Variants in ARFGEF1 observed in about 807,000 individuals in gnomAD.
ARFGEF1 encodes the protein ARF guanine nucleotide exchange factor 1, also known as brefeldin A-inhibited guanine nucleotide-exchange protein 1.
A neutral mutation model predicts 231.0 loss-of-function variants in ARFGEF1; 42 were observed. The ratio of observed to expected loss-of-function variants is 0.18; its 90% CI spans 0.14 to 0.24. The LOEUF (loss-of-function observed/expected upper bound fraction) is 0.24. Ranked by LOEUF, ARFGEF1 falls within the 10% of genes least tolerant of loss-of-function variation. The probability of loss-of-function intolerance (pLI) is 1.00; values close to 1 mark genes in which losing one functional copy is unlikely to be tolerated. For missense variants in ARFGEF1, 1,345 were observed against 2,192.0 expected (o/e 0.61, Z 7.72); for synonymous variants, 710 against 732.3 (o/e 0.97, Z 0.49).
At chr8:67,315,742 G>C (rs775931530) in intron 1 of ARFGEF1, among the ~76,000 whole-genome samples, 6 of 151,958 alleles carry the variant, frequency 3.9e-5, no homozygotes, top group Non-Finnish European at 8.8e-5. Context: ...ATGGGTCAGA[G>C]GAAGTCTTAA....
chr8:67,343,406 A>C lies in ARFGEF1; in HGVS notation c.-119T>G. On this transcript the variant is annotated 5_prime_UTR_variant, in exon 1 of 39. Coordinates refer to ENST00000262215, the MANE Select transcript of ARFGEF1 (RefSeq NM_006421.5). ...AGAGGGGGTGGAGGTGGGGGATTGG[A>C]GGCGTGGAGGGCAGCGGCAGGATCA... is the stretch of plus-strand genomic sequence containing the variant. 2 of 1,335,444 alleles carry C rather than the reference A, an allele frequency of 1.5e-6. No homozygotes were observed. Among genetic ancestry groups the C allele is most frequent in the Middle Eastern group, 2.3e-4 (1 of 4,410 alleles). 82.7% of individuals were successfully genotyped at this position (1,335,444 alleles called of 1,614,324 possible). A position where few individuals can be genotyped will look rare whatever the true frequency, so the allele number is the denominator to read the frequency against.
intron 8 of ARFGEF1, among the ~76,000 whole-genome samples, chr8:67,276,567 T>G (rs564234163): frequency 3.3e-5 from 5 of 152,232 alleles, no homozygotes; most frequent in Admixed American, 3.3e-4. Flanking sequence ...TATGGGACAC[T>G]TAGTGGAGAA....
At chr8:67,220,905 T>C (rs976997534) in intron 29 of ARFGEF1, among the ~76,000 whole-genome samples, 1 of 151,622 alleles carries the variant, frequency 6.6e-6, no homozygotes, top group Non-Finnish European at 1.5e-5. Context: ...TTCTTTTTTT[T>C]TTTTTTTAAA....
intron 1 of ARFGEF1, among the ~76,000 whole-genome samples, chr8:67,339,771 T>C (rs1808519223): frequency 1.7e-5 from 1 of 59,068 alleles, no homozygotes; most frequent in Non-Finnish European, 3.1e-5. Flanking sequence ...TTCTTATCAG[T>C]TGTAACAGTG....
chr8:67,238,552 T>TA, intron 21 of ARFGEF1, 59 bp from the exon 22 acceptor site: 1 of 1,515,822 alleles, frequency 6.6e-7, no homozygotes. Flanking sequence ...TTCAAAAAGA[T>TA]TTAAATATAT....
At chr8:67,288,137 G>A in intron 6 of ARFGEF1, 72 bp from the exon 7 acceptor site, 1 of 885,610 alleles carries the variant, frequency 1.1e-6, no homozygotes. Context: ...CATTTATGAT[G>A]AAAAAACTCC....
At chr8:67,313,199 T>C (rs1807151541) in intron 1 of ARFGEF1, among the ~76,000 whole-genome samples, 1 of 152,180 alleles carries the variant, frequency 6.6e-6, no homozygotes, top group South Asian at 2.1e-4. Context: ...AGTTCATTTT[T>C]TGGATTTCCT....
rs567257136 is a variant in ARFGEF1, at chr8:67,247,792, C to T, written c.2850+3507G>A. 3.3e-5 allele frequency among the ~76,000 whole-genome samples: 5 copies of T among 150,438 alleles called. 1 individual carries two copies. Among genetic ancestry groups the T allele is most frequent in the African/African-American group, 7.4e-5 (3 of 40,470 alleles). Reference sequence around the variant, plus strand: ...TCAAATTATCTATTTGCAGGTGATACGATCTTATATTTGGAAAAGCCTGAA... The same window carrying T: ...TCAAATTATCTATTTGCAGGTGATATGATCTTATATTTGGAAAAGCCTGAA... On this transcript the variant is annotated intron_variant, in intron 19 of 38. Coordinates refer to ENST00000262215, the MANE Select transcript of ARFGEF1 (RefSeq NM_006421.5).
At chr8:67,299,947 T>C (rs1465403144) in intron 3 of ARFGEF1, among the ~76,000 whole-genome samples, 1 of 151,784 alleles carries the variant, frequency 6.6e-6, no homozygotes, top group Non-Finnish European at 1.5e-5. Context: ...CCAACGTAGG[T>C]GACAGTGAGA....
At chr8:67,192,367 G>A (rs557896857) in intron 5 of ARFGEF1, among the ~76,000 whole-genome samples, 184 of 152,208 alleles carry the variant, frequency 1.2e-3, no homozygotes, top group Middle Eastern at 0.01. Flanking sequence ...GAGCCACCGC[G>A]CCCAGCCCTT....
Position 67,240,265 on chromosome 8 carries a change from G to A in ARFGEF1, c.2876C>T (p.Ala959Val). 6.2e-7 allele frequency: 1 copy of A among 1,605,894 alleles called. No individual in the cohort carries two copies. The highest frequency in any genetic ancestry group is 8.5e-7 in the Non-Finnish European group (1 of 1,177,974). The change falls in exon 20 of 39, where the codon GCA becomes GTA. Residue 959 changes from alanine to valine, a missense_variant. Ala to Val is a moderately conservative substitution (Grantham distance 64). Transcript: ENST00000262215. ...FKLAWTPFLA[A>V]FSVGLQDCDD... is the part of the protein sequence containing the mutation. ...ACAATCTTGTAGACCCACACTGAAT[G>A]CAGCCAGAAAAGGCGTCCAAGCCAA...
rs765532292 is a variant in ARFGEF1 at position 67,217,948 on chromosome 8, T to C, written c.4475-28A>G. 4 of 1,612,868 alleles carry C rather than the reference T, an allele frequency of 2.5e-6. No individual in the cohort carries two copies. Among genetic ancestry groups the C allele is most frequent in the Admixed American group, 1.7e-5 (1 of 59,938 alleles). The stretch of plus-strand genomic sequence containing the variant: ...AGGAAAGAAAAGAGCAATTCATTTA[T>C]ATATTACCAGGGTCACATTTAACAC... On this transcript the variant is annotated intron_variant, in intron 31 of 38. Transcript: ENST00000262215.
chr8:67,323,533 T>G (rs559397779), intron 1 of ARFGEF1, among the ~76,000 whole-genome samples: 21 of 152,348 alleles, frequency 1.4e-4, no homozygotes, highest in Admixed American at 1.2e-3. Flanking sequence ...AACCCATTTA[T>G]GTCGAATGTG....
At chr8:67,306,544 T>G (rs942920028) in intron 1 of ARFGEF1, among the ~76,000 whole-genome samples, 1 of 143,830 alleles carries the variant, frequency 7.0e-6, no homozygotes, top group Non-Finnish European at 1.5e-5. Flanking sequence ...TACTATCAAC[T>G]TGTTTAGCTG....
At chr8:67,312,768 C>G (rs1807132857) in intron 1 of ARFGEF1, among the ~76,000 whole-genome samples, 1 of 152,040 alleles carries the variant, frequency 6.6e-6, no homozygotes, top group African/African-American at 2.4e-5. Context: ...GACAATACTA[C>G]AGAGAGGGAA....
At chr8:67,239,180 G>C (rs937873804) in intron 20 of ARFGEF1, among the ~76,000 whole-genome samples, 2 of 151,462 alleles carry the variant, frequency 1.3e-5, no homozygotes, top group South Asian at 4.2e-4. Context: ...CTAATTTTTT[G>C]TATCTTTAGT....
Position 67,229,656 on chromosome 8 carries a change from T to C in ARFGEF1, c.3381-1392A>G, listed in dbSNP as rs533299534. On this transcript the variant is annotated intron_variant, in intron 23 of 38. Transcript: ENST00000262215. The stretch of plus-strand genomic sequence containing the variant: ...TTAGACTGGACCCAGAAATTAAAGA[T>C]ATACAACGTCTACAGAGCTCTCGCA... 2.0e-5 allele frequency among the ~76,000 whole-genome samples: 3 copies of C among 152,114 alleles called. No individual in the cohort carries two copies. In the South Asian group the frequency reaches 6.2e-4, roughly 32 times the overall value.
At chr8:67,200,974 C>T (rs1373621591) in intron 37 of ARFGEF1, among the ~76,000 whole-genome samples, 1 of 152,176 alleles carries the variant, frequency 6.6e-6, no homozygotes, top group African/African-American at 2.4e-5. Flanking sequence ...TTTAATTGGC[C>T]TCAGAACATC....
intron 14 of ARFGEF1, among the ~76,000 whole-genome samples, chr8:67,260,915 T>G (rs1248155638): frequency 6.6e-6 from 1 of 152,186 alleles, no homozygotes; most frequent in Non-Finnish European, 1.5e-5. Context: ...TGGAGAAGGT[T>G]TTCACGTGTG....
Sources: gnomAD v4.1 joint callset for allele counts (sites outside exome capture counted in the v4.1 genomes callset) on GRCh38, gnomAD v4.1.1 for gene constraint, MANE v1.5 for transcripts, NCBI Gene and HGNC (gene_info 2026-07-23, HGNC 2026-07-21) for gene names.